Variants in KAZN observed in about 807,000 individuals in gnomAD.
KAZN encodes the protein kazrin, periplakin interacting protein, also known as kazrin.
In KAZN, 40 loss-of-function variants were observed where a neutral mutation model predicts 87.4. The ratio of observed to expected loss-of-function variants is 0.46; its 90% CI spans 0.36 to 0.60. The LOEUF (loss-of-function observed/expected upper bound fraction) is 0.60. Ranked by LOEUF, KAZN falls within the 20% of genes least tolerant of loss-of-function variation. The probability of loss-of-function intolerance (pLI) is 0.00; values close to 1 mark genes in which losing one functional copy is unlikely to be tolerated. For synonymous variants in KAZN, 466 were observed against 458.3 expected (o/e 1.02, Z -0.22); for missense variants, 898 against 1,073.9 (o/e 0.84, Z 2.29).
intron 2 of KAZN, among the ~76,000 whole-genome samples, chr1:14,316,167 AT>A (rs1418244045): frequency 6.6e-6 from 1 of 151,978 alleles, no homozygotes; most frequent in East Asian, 1.9e-4. Context: ...ACATCTTTTC[AT>A]GTACTTCCTG....
chr1:14,961,118 C>T (rs1663808123), intron 2 of KAZN, among the ~76,000 whole-genome samples: 1 of 152,224 alleles, frequency 6.6e-6, no homozygotes, highest in South Asian at 2.1e-4. Flanking sequence ...TGAGGTGTCT[C>T]CTTCTGGGGT....
intron 1 of KAZN, among the ~76,000 whole-genome samples, chr1:14,815,738 G>T (rs924896244): frequency 6.6e-6 from 1 of 152,192 alleles, no homozygotes; most frequent in African/African-American, 2.4e-5. Flanking sequence ...CAGAGCCCAT[G>T]CTGTGCCACC....
chr1:14,026,692 T>A (rs1641086972), intron 1 of KAZN, among the ~76,000 whole-genome samples: 1 of 152,178 alleles, frequency 6.6e-6, no homozygotes, highest in Non-Finnish European at 1.5e-5. Context: ...TCTGATTCAA[T>A]AGATCTGCAC....
intron 1 of KAZN, among the ~76,000 whole-genome samples, chr1:14,081,165 G>C (rs975828220): frequency 1.1e-4 from 16 of 150,208 alleles, no homozygotes; most frequent in Non-Finnish European, 4.4e-5. Context: ...TAAATCCTTT[G>C]TTTGCTTTAT....
chr1:14,929,957 C>G (rs1370910162), intron 1 of KAZN: 16 of 985,290 alleles, frequency 1.6e-5, no homozygotes, highest in African/African-American at 1.7e-5. Flanking sequence ...TGGCAATTCC[C>G]CAGAGCCCTC....
At chr1:14,825,605 C>T (rs1397529297) in intron 1 of KAZN, among the ~76,000 whole-genome samples, 1 of 152,184 alleles carries the variant, frequency 6.6e-6, no homozygotes, top group Non-Finnish European at 1.5e-5. Context: ...AACTGAGGCA[C>T]AAAGAGACTA....
At position 15,114,620 on chromosome 1, in the gene KAZN, G is replaced by C; in HGVS notation, c.2313G>C (p.Glu771Asp). 1 of 1,587,636 alleles carries C rather than the reference G, an allele frequency of 6.3e-7. No homozygotes were observed. The highest frequency in any genetic ancestry group is 8.6e-7 in the Non-Finnish European group (1 of 1,166,928). The change falls in exon 15 of 15, where the codon GAG (glutamate) becomes GAC (aspartate). Residue 771 changes from glutamate to aspartate, a missense_variant. Glu to Asp is a conservative substitution (Grantham distance 45). Transcript: ENST00000376030. ...QCRLEGYNSL[E>D]VTNV ...GTCTGGAAGGCTACAACAGCCTGGA[G>C]GTCACCAACGTGTAAGGAACTGGTG...
intron 1 of KAZN, among the ~76,000 whole-genome samples, chr1:14,707,946 T>C (rs1012197109): frequency 3.3e-5 from 5 of 152,162 alleles, no homozygotes; most frequent in African/African-American, 1.2e-4. Context: ...TTCACGGAGT[T>C]TGCAGCATGA....
At chr1:14,910,061 T>TAATGAGTGAATGAATG (rs1657080243) in intron 1 of KAZN, among the ~76,000 whole-genome samples, 1 of 147,240 alleles carries the variant, frequency 6.8e-6, no homozygotes, top group Non-Finnish European at 1.5e-5. Flanking sequence ...AATAAATAAA[T>TAATGAGTGAATGAATG]AATGAATGAA....
chr1:14,516,667 C>T (rs958630361), intron 2 of KAZN, among the ~76,000 whole-genome samples: 1 of 152,214 alleles, frequency 6.6e-6, no homozygotes, highest in African/African-American at 2.4e-5. Flanking sequence ...GTTTGAAGCT[C>T]TGACTCTGTT....
chr1:14,672,764 G>A (rs1639989002), intron 1 of KAZN, among the ~76,000 whole-genome samples: 1 of 152,320 alleles, frequency 6.6e-6, no homozygotes, highest in South Asian at 2.1e-4. Context: ...CAGCAGCACT[G>A]CCATTGCTGA....
intron 2 of KAZN, among the ~76,000 whole-genome samples, chr1:14,542,253 A>G (rs1400622880): frequency 7.4e-6 from 1 of 134,738 alleles, no homozygotes; most frequent in Admixed American, 8.6e-5. Context: ...ATGAGAACAC[A>G]TGGACACAGG....
intron 1 of KAZN, among the ~76,000 whole-genome samples, chr1:14,145,466 A>C (rs7412961): frequency 0.21 from 32,476 of 151,784 alleles, 4,277 homozygotes; most frequent in East Asian, 0.6. Flanking sequence ...ACACACACAC[A>C]CCCACACCCC....
intron 1 of KAZN, among the ~76,000 whole-genome samples, chr1:14,009,131 G>T (rs1239034591): frequency 6.6e-6 from 1 of 152,170 alleles, no homozygotes; most frequent in Non-Finnish European, 1.5e-5. Flanking sequence ...GTTGTACCAT[G>T]TGTCAGAATT....
At chr1:14,476,317 T>C (rs1308863986) in intron 2 of KAZN, among the ~76,000 whole-genome samples, 10 of 152,252 alleles carry the variant, frequency 6.6e-5, no homozygotes, top group African/African-American at 2.2e-4. Flanking sequence ...CAAATAGTTT[T>C]GCAATTTCTT....
intron 1 of KAZN, among the ~76,000 whole-genome samples, chr1:13,961,767 G>C (rs986767137): frequency 2.6e-5 from 4 of 152,162 alleles, no homozygotes; most frequent in African/African-American, 9.7e-5. Context: ...TGAAAGTTGG[G>C]AGGGAGGAAT....
chr1:15,013,174 C>T (rs1669747867), intron 2 of KAZN, among the ~76,000 whole-genome samples: 1 of 152,206 alleles, frequency 6.6e-6, no homozygotes, highest in African/African-American at 2.4e-5. Flanking sequence ...GCCTCTGCAC[C>T]TGTACACGCC....
At chr1:14,974,178 C>G (rs1186240326) in intron 2 of KAZN, among the ~76,000 whole-genome samples, 1 of 151,844 alleles carries the variant, frequency 6.6e-6, no homozygotes, top group Non-Finnish European at 1.5e-5. Flanking sequence ...TCCAGGAAAC[C>G]AAGTGCAAGC....
chr1:13,994,119 G>A (rs140080334), intron 1 of KAZN, among the ~76,000 whole-genome samples: 3 of 152,234 alleles, frequency 2.0e-5, no homozygotes, highest in South Asian at 2.1e-4. Context: ...TCCATGACAG[G>A]GCAGTTAACT....
Sources: allele counts gnomAD v4.1 joint callset (sites outside exome capture counted in the v4.1 genomes callset), GRCh38; gene constraint gnomAD v4.1.1; transcripts MANE v1.5; gene names NCBI Gene and HGNC (gene_info 2026-07-23, HGNC 2026-07-21).